ABCA13: variants seen among roughly 807,000 people sequenced by gnomAD.
ABCA13 encodes the protein ATP-binding cassette sub-family A member 13.
ABCA13 carries 476 observed loss-of-function variants against 478.7 expected under a neutral mutation model. The ratio of observed to expected loss-of-function variants is 0.99; its 90% CI spans 0.92 to 1.07. The LOEUF (loss-of-function observed/expected upper bound fraction) is 1.07. Ranked by LOEUF, ABCA13 falls within the 50% of genes least tolerant of loss-of-function variation. The pLI is 0.00. For missense variants in ABCA13, 6,060 were observed against 5,910.6 expected, an observed-to-expected ratio of 1.03 and a Z score of -0.83; for synonymous variants, 2,252 against 2,158.9, an observed-to-expected ratio of 1.04 and a Z score of -1.20.
chr7:48,633,973 T>TAGAC (rs767874432), intron 59 of ABCA13, among the ~76,000 whole-genome samples: 246 of 141,752 alleles, frequency 1.7e-3, no homozygotes, highest in Non-Finnish European at 3.0e-3. Flanking sequence ...GATAGATAGA[T>TAGAC]AGATAGATGA....
intron 59 of ABCA13, among the ~76,000 whole-genome samples, chr7:48,630,087 T>C (rs1192685808): frequency 1.3e-5 from 2 of 152,204 alleles, no homozygotes; most frequent in Non-Finnish European, 2.9e-5. Context: ...AAATCTTTTT[T>C]GTTTTTGGAT....
Position 48,278,176 on chromosome 7 carries a change from A to G in ABCA13, c.6982A>G (p.Ile2328Val). 1 of 1,564,940 alleles carries G rather than the reference A, an allele frequency of 6.4e-7. No homozygotes were observed. Among genetic ancestry groups the G allele is most frequent in the Non-Finnish European group, 8.7e-7 (1 of 1,154,362 alleles). Residue 2328 changes from isoleucine (I) to valine (V), a missense_variant, in exon 18 of 62, where the codon ATT (isoleucine) becomes GTT (valine). Ile to Val is a conservative substitution (Grantham distance 29, BLOSUM62 3). Around this residue, in one of 3 missense-constraint regions of ABCA13, gnomAD observed 4,423 missense variants for 4,309.1 expected, o/e 1.03. Coordinates refer to ENST00000435803, the MANE Select transcript of ABCA13 (RefSeq NM_152701.5). ...GATGATACAAGACAGATTGATGAAC[A>G]TTTTTTCAAGTTTAAAGGAGACTAT... ...TLMIQDRLMN[I>V]FSSLKETIYH...
chr7:48,470,209 CTGTT>C (rs1013249374), intron 44 of ABCA13, among the ~76,000 whole-genome samples: 1 of 152,200 alleles, frequency 6.6e-6, no homozygotes, highest in African/African-American at 2.4e-5. Context: ...CTTAGTGAAT[CTGTT>C]TGAACACAAA....
At chr7:48,339,205 T>G (rs12056015) in intron 29 of ABCA13, among the ~76,000 whole-genome samples, 94,594 of 151,994 alleles carry the variant, frequency 0.62, 29,688 homozygotes, top group Middle Eastern at 0.73. Flanking sequence ...ATATGAAAGT[T>G]AGAGGAAGGC....
chr7:48,341,295 C>T (rs1807123427), intron 29 of ABCA13, among the ~76,000 whole-genome samples: 1 of 152,140 alleles, frequency 6.6e-6, no homozygotes, highest in Admixed American at 6.5e-5. Flanking sequence ...GCCACCCAGA[C>T]CCCCTACCAT....
intron 13 of ABCA13, among the ~76,000 whole-genome samples, chr7:48,247,975 A>T (rs1791953526): frequency 6.6e-6 from 1 of 152,236 alleles, no homozygotes; most frequent in Non-Finnish European, 1.5e-5. Flanking sequence ...TGTTGCAACT[A>T]GCTAACACAG....
chr7:48,337,351 A>G (rs1806425478), intron 28 of ABCA13, among the ~76,000 whole-genome samples: 1 of 152,238 alleles, frequency 6.6e-6, no homozygotes, highest in Admixed American at 6.5e-5. Context: ...TACCCTGCAC[A>G]TTGACTGGCA....
intron 48 of ABCA13, among the ~76,000 whole-genome samples, chr7:48,500,921 A>G (rs1830685149): frequency 1.3e-5 from 2 of 152,316 alleles, no homozygotes; most frequent in Admixed American, 6.5e-5. Flanking sequence ...TACCCTCACC[A>G]TGGTGTGTCC....
At chr7:48,254,174 C>T (rs1408145269) in intron 15 of ABCA13, among the ~76,000 whole-genome samples, 2 of 151,820 alleles carry the variant, frequency 1.3e-5, no homozygotes, top group African/African-American at 2.4e-5. Flanking sequence ...TATTTTCTGC[C>T]TGATAACTTC....
chr7:48,286,463 G>A (rs1055994823), intron 19 of ABCA13, among the ~76,000 whole-genome samples: 11 of 151,400 alleles, frequency 7.3e-5, no homozygotes, highest in Admixed American at 7.3e-4. Flanking sequence ...CTTTCACTTA[G>A]TAATATGCTG....
chr7:48,211,724 T>G (rs1785681819), intron 3 of ABCA13, among the ~76,000 whole-genome samples: 1 of 152,012 alleles, frequency 6.6e-6, no homozygotes, highest in South Asian at 2.1e-4. Flanking sequence ...GGCAGCAGAT[T>G]CTCATCTAGC....
rs1796803219 is a variant in ABCA13 at position 48,279,920 on chromosome 7, G to A, written c.8726G>A (p.Ser2909Asn). The A allele has an allele frequency of 1.3e-6, 2 of 1,505,940 alleles. No homozygotes were observed. The highest frequency in any genetic ancestry group is 2.4e-5 in the Admixed American group (1 of 42,234). The allele number at this position is 1,505,940 out of a possible 1,614,324, so 93.3% of individuals were successfully genotyped here. ...YWQQIPLTDQ[S>N]VVEICEVFQQ... is the part of the protein sequence containing the mutation. ...CAACAAATCCCACTAACAGATCAAA[G>A]GTAATTAAAAAGCTGAATTCACTTT... The change falls in exon 18 of 62, where the codon AGT becomes AAT. Residue 2909 changes from serine (S) to asparagine (N), a missense_variant and splice_region_variant. By Grantham distance (46) the Ser-to-Asn change is conservative. Around this residue, in one of 3 missense-constraint regions of ABCA13, gnomAD observed 4,423 missense variants for 4,309.1 expected, o/e 1.03. Coordinates refer to ENST00000435803, the MANE Select transcript of ABCA13 (RefSeq NM_152701.5).
intron 47 of ABCA13, among the ~76,000 whole-genome samples, chr7:48,484,899 A>T (rs1829135856): frequency 6.6e-6 from 1 of 152,300 alleles, no homozygotes; most frequent in South Asian, 2.1e-4. Context: ...AAATGATTGC[A>T]TTTATCTTTC....
At chr7:48,345,707 T>C (rs1300209186) in intron 29 of ABCA13, among the ~76,000 whole-genome samples, 2 of 152,226 alleles carry the variant, frequency 1.3e-5, no homozygotes, top group Admixed American at 6.5e-5. Flanking sequence ...TAATCTAAGG[T>C]TAATTTATTT....
Position 48,245,844 on chromosome 7 carries a change from A to T in ABCA13, c.1492-19A>T. On this transcript the variant is annotated intron_variant, in intron 12 of 61. Coordinates refer to ENST00000435803, the MANE Select transcript of ABCA13 (RefSeq NM_152701.5). ...GCCTCTTTAAATGTTACTCCTTCCC[A>T]CTCTTATTAATCTTTTAGATGTTGG... The T allele has an allele frequency of 1.2e-6, 2 of 1,600,780 alleles. No homozygotes were observed. The highest frequency in any genetic ancestry group is 1.7e-6 in the Non-Finnish European group (2 of 1,173,160).
intron 55 of ABCA13, among the ~76,000 whole-genome samples, chr7:48,549,982 A>G (rs1785160589): frequency 6.6e-6 from 1 of 151,790 alleles, no homozygotes; most frequent in Admixed American, 6.6e-5. Flanking sequence ...AGGTGGGTAG[A>G]TTGCAAAAAT....
intron 23 of ABCA13, among the ~76,000 whole-genome samples, chr7:48,302,423 T>C (rs1483788005): frequency 2.6e-5 from 4 of 152,186 alleles, no homozygotes; most frequent in Non-Finnish European, 5.9e-5. Flanking sequence ...GGGTTTGTAG[T>C]ACAGATTATT....
chr7:48,378,306 G>C (rs1175553849), intron 35 of ABCA13, among the ~76,000 whole-genome samples: 1 of 152,136 alleles, frequency 6.6e-6, no homozygotes, highest in Non-Finnish European at 1.5e-5. Flanking sequence ...TGGGTCAGGG[G>C]ATGTTTGGCT....
intron 58 of ABCA13, among the ~76,000 whole-genome samples, chr7:48,606,406 G>A (rs1235853034): frequency 6.6e-6 from 1 of 152,068 alleles, no homozygotes; most frequent in Non-Finnish European, 1.5e-5. Flanking sequence ...CTCTGAGTGG[G>A]CGTCCTTTTT....
Sources: allele counts gnomAD v4.1 joint callset (sites outside exome capture counted in the v4.1 genomes callset), GRCh38; gene constraint gnomAD v4.1.1; regional missense constraint gnomAD v4.1.1; transcripts MANE v1.5; gene names NCBI Gene and HGNC (gene_info 2026-07-23, HGNC 2026-07-21).